Variants in DCDC2C observed in about 807,000 individuals in gnomAD.
The protein encoded by DCDC2C is doublecortin domain-containing protein 2C.
In DCDC2C, 44 loss-of-function variants were observed where a neutral mutation model predicts 45.0. The observed-to-expected ratio is 0.98, with a 90% confidence interval of 0.77 to 1.26. The LOEUF (loss-of-function observed/expected upper bound fraction) is 1.26. Among genes scored for constraint, DCDC2C ranks in the 50% most tolerant of loss-of-function variants. The pLI is 0.00. For synonymous variants in DCDC2C, 187 were observed against 178.8 expected (o/e 1.05, Z -0.37); for missense variants, 447 against 468.9 (o/e 0.95, Z 0.43).
At chr2:3,737,198 G>C (rs1419985079) in intron 3 of DCDC2C, among the ~76,000 whole-genome samples, 1 of 152,160 alleles carries the variant, frequency 6.6e-6, no homozygotes, top group African/African-American at 2.4e-5. Flanking sequence ...GGGAATGAGA[G>C]GTCCAGAGAT....
chr2:3,763,082 C>T (rs1362007958), intron 6 of DCDC2C, among the ~76,000 whole-genome samples: 3 of 152,114 alleles, frequency 2.0e-5, no homozygotes, highest in African/African-American at 7.2e-5. Flanking sequence ...TGAGAGAGCC[C>T]CTCCACACCC....
intron 6 of DCDC2C, among the ~76,000 whole-genome samples, chr2:3,763,048 C>T (rs974166894): frequency 6.6e-6 from 1 of 152,124 alleles, no homozygotes; most frequent in Non-Finnish European, 1.5e-5. Flanking sequence ...TGGGTTATGT[C>T]TGTACACTGC....
chr2:3,722,657 C>T (rs1668532561), intron 2 of DCDC2C, among the ~76,000 whole-genome samples: 1 of 152,190 alleles, frequency 6.6e-6, no homozygotes, highest in African/African-American at 2.4e-5. Context: ...AGGCTGTCAT[C>T]ACCATCAGAT....
At chr2:3,737,596 G>T (rs1024517222) in intron 3 of DCDC2C, among the ~76,000 whole-genome samples, 11 of 151,952 alleles carry the variant, frequency 7.2e-5, no homozygotes, top group African/African-American at 2.7e-4. Context: ...GGAAGGTCTG[G>T]GTGGTTGGTT....
intron 10 of DCDC2C, among the ~76,000 whole-genome samples, chr2:3,824,870 C>T (rs910886998): frequency 2.6e-5 from 4 of 152,108 alleles, no homozygotes; most frequent in African/African-American, 9.7e-5. Flanking sequence ...GGGGATTTCT[C>T]AGTGGTCCTG....
In DCDC2C at chr2:3,759,135, A is replaced by G. The variant is rs372494583; in HGVS notation, c.726+4501A>G. On this transcript the variant is annotated intron_variant, in intron 6 of 10. Coordinates refer to ENST00000399143, the MANE Select transcript of DCDC2C (RefSeq NM_001287444.2). ...CCAACGGCTCAGGGGCAATTCAGAG[A>G]TGAGGGCGGGGCATCCTTCCCACGC... Among the ~76,000 whole-genome samples the G allele has an allele frequency of 2.6e-5, 4 of 152,172 alleles. No homozygotes were observed. In the East Asian group the frequency reaches 5.8e-4, roughly 22 times the overall value.
At chr2:3,843,624 C>T (rs567289977) in intron 10 of DCDC2C, among the ~76,000 whole-genome samples, 16 of 152,250 alleles carry the variant, frequency 1.1e-4, no homozygotes, top group African/African-American at 2.6e-4. Context: ...TCCTGAGCTC[C>T]GAAAGTTGGT....
At chr2:3,707,567 T>C (rs1173211013) in intron 1 of DCDC2C, among the ~76,000 whole-genome samples, 2 of 152,242 alleles carry the variant, frequency 1.3e-5, no homozygotes, top group Non-Finnish European at 2.9e-5. Context: ...GGAGAACTCA[T>C]GTAATAATAT....
At chr2:3,757,745 C>G (rs917134412) in intron 6 of DCDC2C, among the ~76,000 whole-genome samples, 9 of 152,308 alleles carry the variant, frequency 5.9e-5, no homozygotes, top group African/African-American at 1.9e-4. Flanking sequence ...TCACCCAGCC[C>G]TCCTGCTCAG....
intron 9 of DCDC2C, among the ~76,000 whole-genome samples, 155 bp downstream of exon 9, chr2:3,779,039 G>C (rs1670435666): frequency 6.6e-6 from 1 of 152,216 alleles, no homozygotes; most frequent in Non-Finnish European, 1.5e-5. Context: ...TTCGCAGGCA[G>C]CCGTGGACAC....
intron 7 of DCDC2C, among the ~76,000 whole-genome samples, chr2:3,768,837 G>A (rs183061270): frequency 3.5e-4 from 54 of 152,348 alleles, no homozygotes; most frequent in African/African-American, 7.2e-5. Flanking sequence ...GCCTCCCAAA[G>A]TGTTGGGATT....
At chr2:3,788,584 A>AG (rs1458810832) in intron 10 of DCDC2C, 1 of 152,210 alleles carries the variant, frequency 6.6e-6, no homozygotes, top group Non-Finnish European at 1.5e-5. Context: ...AGTTAAAAAA[A>AG]AAGTACCTAA....
Position 3,752,753 on chromosome 2 carries a change from G to C in DCDC2C, c.546-10G>C. On this transcript the variant is annotated splice_polypyrimidine_tract_variant and intron_variant, in intron 4 of 10. Coordinates refer to ENST00000399143, the MANE Select transcript of DCDC2C (RefSeq NM_001287444.2). ...AGTCTCTATCTCATTTCTTCTTTCTGTTTTTACAGATTATTTACAATGAAT... is the reference window on the plus strand; with the variant it reads ...AGTCTCTATCTCATTTCTTCTTTCTCTTTTTACAGATTATTTACAATGAAT... The C allele has an allele frequency of 6.5e-7, 1 of 1,550,250 alleles. No individual in the cohort carries two copies. Among genetic ancestry groups the C allele is most frequent in the African/African-American group, 1.4e-5 (1 of 73,142 alleles).
At chr2:3,721,285 G>A (rs1448953991) in intron 2 of DCDC2C, among the ~76,000 whole-genome samples, 1 of 151,694 alleles carries the variant, frequency 6.6e-6, no homozygotes, top group African/African-American at 2.4e-5. Context: ...GGAGGCATGT[G>A]TCTCTTTGGG....
intron 6 of DCDC2C, 57 bp downstream of exon 6, chr2:3,754,691 C>A: frequency 6.8e-7 from 1 of 1,469,610 alleles, no homozygotes; most frequent in Admixed American, 2.0e-5. Context: ...CGTCTTCTGG[C>A]ATTAACAAGG....
At chr2:3,841,069 G>C (rs745401829) in intron 10 of DCDC2C, among the ~76,000 whole-genome samples, 14 of 152,190 alleles carry the variant, frequency 9.2e-5, no homozygotes, top group Non-Finnish European at 1.9e-4. Context: ...ATGCGGTTTT[G>C]GCAGATTTTC....
At chr2:3,794,374 T>C (rs1393119159) in intron 10 of DCDC2C, among the ~76,000 whole-genome samples, 1 of 152,150 alleles carries the variant, frequency 6.6e-6, no homozygotes, top group African/African-American at 2.4e-5. Context: ...ATTTATTTAT[T>C]ATTATTATAC....
At chr2:3,802,897 C>T (rs1671147903) in intron 10 of DCDC2C, among the ~76,000 whole-genome samples, 1 of 152,212 alleles carries the variant, frequency 6.6e-6, no homozygotes, top group Admixed American at 6.5e-5. Flanking sequence ...TCCCTACTCT[C>T]TCAGGACTTT....
chr2:3,834,732 G>A (rs913559387), intron 10 of DCDC2C, among the ~76,000 whole-genome samples: 3 of 152,132 alleles, frequency 2.0e-5, no homozygotes, highest in African/African-American at 7.2e-5. Flanking sequence ...ACTAGTTGCC[G>A]GGGCTGGGGA....
Sources: allele counts gnomAD v4.1 joint callset (sites outside exome capture counted in the v4.1 genomes callset), GRCh38; gene constraint gnomAD v4.1.1; transcripts MANE v1.5; gene names NCBI Gene and HGNC (gene_info 2026-07-23, HGNC 2026-07-21).